Variants in PCBP3 observed in about 807,000 individuals in gnomAD.
PCBP3 encodes the protein poly(rC)-binding protein 3.
PCBP3 carries 25 observed loss-of-function variants against 52.7 expected under a neutral mutation model. The ratio of observed to expected loss-of-function variants is 0.47; its 90% CI spans 0.35 to 0.66. The LOEUF (loss-of-function observed/expected upper bound fraction) is 0.66. Among genes scored for constraint, PCBP3 ranks in the 30% least tolerant of loss-of-function variants. The pLI is 0.01. For missense variants in PCBP3, 391 were observed against 490.3 expected, an observed-to-expected ratio of 0.80 and a Z score of 1.91; for synonymous variants, 162 against 183.0, an observed-to-expected ratio of 0.89 and a Z score of 0.93.
intron 15 of PCBP3, among the ~76,000 whole-genome samples, chr21:45,931,671 G>T (rs979822495): frequency 6.6e-6 from 1 of 152,150 alleles, no homozygotes; most frequent in Non-Finnish European, 1.5e-5. Flanking sequence ...CGGCCATGCC[G>T]TCCTGAGATG....
intron 2 of PCBP3, among the ~76,000 whole-genome samples, chr21:45,685,939 G>A (rs1056972197): frequency 7.6e-6 from 1 of 130,872 alleles, no homozygotes; most frequent in Non-Finnish European, 1.6e-5. Flanking sequence ...TTTTTTTTGA[G>A]ATGGAGTCTT....
At position 45,909,337 on chromosome 21, in the gene PCBP3, C is replaced by G; in HGVS notation, c.340-18C>G. On this transcript the variant is annotated intron_variant, in intron 9 of 17. Transcript: ENST00000681687. ...CACGACGCCTGAAGTGCTGCCAACA[C>G]ACGTGTCTCTCCCCTAGGATATCAT... The G allele has an allele frequency of 6.2e-7, 1 of 1,609,034 alleles. No individual in the cohort carries two copies. Among genetic ancestry groups the G allele is most frequent in the Non-Finnish European group, 8.5e-7 (1 of 1,177,892 alleles).
At chr21:45,832,062 CA>C (rs2093463820) in intron 4 of PCBP3, among the ~76,000 whole-genome samples, 1 of 152,172 alleles carries the variant, frequency 6.6e-6, no homozygotes, top group Non-Finnish European at 1.5e-5. Flanking sequence ...ACTTCATACG[CA>C]GAGCAGCCCC....
At chr21:45,927,317 C>CCTCA (rs1569505024) in intron 13 of PCBP3, among the ~76,000 whole-genome samples, 1 of 21,114 alleles carries the variant, frequency 4.7e-5, no homozygotes, top group Non-Finnish European at 1.0e-4. Context: ...CCCCTTCCTC[C>CCTCA]CTCTCCCCCT....
intron 5 of PCBP3, among the ~76,000 whole-genome samples, chr21:45,881,421 G>A (rs2095402688): frequency 6.6e-6 from 1 of 152,124 alleles, no homozygotes; most frequent in Non-Finnish European, 1.5e-5. Flanking sequence ...TCTCCCAGGA[G>A]TTGAGACCAC....
At chr21:45,654,432 C>T (rs2079883763) in intron 1 of PCBP3, among the ~76,000 whole-genome samples, 1 of 151,450 alleles carries the variant, frequency 6.6e-6, no homozygotes, top group South Asian at 2.1e-4. Context: ...CCTCCACCTC[C>T]CAGGTTCAAG....
rs927084950 is a variant in PCBP3 at position 45,704,221 on chromosome 21, A to C, written c.-199-31171A>C. On this transcript the variant is annotated intron_variant, in intron 2 of 17. Transcript: ENST00000681687. This position sits in a 1 kb window ranked among gnomAD's most constrained non-coding sequence, Gnocchi z 4.1. ...ATATCAGATGCTGGGGATGGCTCCA[A>C]GGAGACTCTGGTGGCAACCCTGAGC... Among the ~76,000 whole-genome samples, 6 of 152,162 alleles carry C rather than the reference A, an allele frequency of 3.9e-5. No homozygotes were observed. The highest frequency in any genetic ancestry group is 3.9e-4 in the Admixed American group (6 of 15,284).
intron 10 of PCBP3, 24 bp from the exon 11 acceptor site, chr21:45,910,878 C>T: frequency 1.3e-6 from 2 of 1,579,190 alleles, no homozygotes; most frequent in Non-Finnish European, 1.7e-6. Flanking sequence ...CCTGGTGCTC[C>T]CTTCCAATGT....
intron 4 of PCBP3, among the ~76,000 whole-genome samples, chr21:45,841,418 A>G (rs1278876080): frequency 1.3e-5 from 2 of 151,100 alleles, no homozygotes. Flanking sequence ...CTGAAAAAAA[A>G]AATCTAGTTG....
rs1257418514 is a variant in PCBP3 at position 45,735,156 on chromosome 21, T to A, written c.-199-236T>A. On this transcript the variant is annotated intron_variant, in intron 2 of 17. Coordinates refer to ENST00000681687, the MANE Select transcript of PCBP3 (RefSeq NM_001384156.1). This position sits in a 1 kb window ranked among gnomAD's most constrained non-coding sequence, Gnocchi z 4.0. ...CAGGGACCCTGGGGTTCTGAGTCTT[T>A]ATCAGTGTCGTGTATGTTCCAGACT... 6.6e-6 allele frequency among the ~76,000 whole-genome samples: 1 copy of A among 152,254 alleles called. No individual in the cohort carries two copies. Among genetic ancestry groups the A allele is most frequent in the Non-Finnish European group, 1.5e-5 (1 of 68,048 alleles).
intron 3 of PCBP3, among the ~76,000 whole-genome samples, chr21:45,745,934 G>A (rs919260355): frequency 1.9e-4 from 29 of 151,744 alleles, no homozygotes; most frequent in African/African-American, 6.5e-4. Flanking sequence ...GTCCATTGAC[G>A]TAGCGCCACA....
chr21:45,909,466 A>C lies in PCBP3; in HGVS notation c.451A>C (p.Lys151Gln). 6.2e-7 allele frequency: 1 copy of C among 1,613,186 alleles called. No homozygotes were observed. Among genetic ancestry groups the C allele is most frequent in the Non-Finnish European group, 8.5e-7 (1 of 1,179,688 alleles). The change falls in exon 10 of 18, where the codon AAG (lysine) becomes CAG (glutamine). Residue 151 changes from lysine to glutamine, a missense_variant. Coordinates refer to ENST00000681687, the MANE Select transcript of PCBP3 (RefSeq NM_001384156.1). ...GTCCCTGATCGGCAAAGGAGGCTCC[A>C]AGATCAAGGAGATCAGGGAGGTAAC... ...CGSLIGKGGSKIKEIRESTGA... is the reference protein window; with the variant it reads ...CGSLIGKGGSQIKEIRESTGA...
chr21:45,840,878 G>A (rs1013833552), intron 4 of PCBP3, among the ~76,000 whole-genome samples: 1 of 152,188 alleles, frequency 6.6e-6, no homozygotes, highest in Non-Finnish European at 1.5e-5. Flanking sequence ...GCTTTCCAAA[G>A]TGCTGGGATT....
intron 5 of PCBP3, among the ~76,000 whole-genome samples, chr21:45,895,243 G>C (rs1408662765): frequency 6.6e-6 from 1 of 152,204 alleles, no homozygotes; most frequent in African/African-American, 2.4e-5. Context: ...TGAGAAAAAA[G>C]CCCTCTGCCC....
chr21:45,918,096 GGGTCC>G, intron 13 of PCBP3: 2 of 218,856 alleles, frequency 9.1e-6, no homozygotes, highest in Non-Finnish European at 9.2e-6. Flanking sequence ...TGAAAACATA[GGGTCC>G]ATCTACACAC....
At position 45,792,654 on chromosome 21, in the gene PCBP3, TTGA is replaced by T. The variant is rs575245243; in HGVS notation, c.-126+37204_-126+37206del. 2.4e-3 allele frequency among the ~76,000 whole-genome samples: 371 copies of T among 152,288 alleles called. 1 individual carries two copies. Among genetic ancestry groups the T allele is most frequent in the African/African-American group, 8.4e-3 (350 of 41,562 alleles). On this transcript the variant is annotated intron_variant, in intron 4 of 17. Coordinates refer to ENST00000681687, the MANE Select transcript of PCBP3 (RefSeq NM_001384156.1). ...GACTGCAGTCAGAGGACCAGATGTC[TTGA>T]TTGATTATTAAGAGAGAGAAACAGG... is the stretch of plus-strand genomic sequence containing the variant.
intron 5 of PCBP3, among the ~76,000 whole-genome samples, chr21:45,856,597 C>A (rs1452526827): frequency 1.3e-5 from 2 of 152,148 alleles, no homozygotes; most frequent in Non-Finnish European, 2.9e-5. Flanking sequence ...ACGCCCCCCC[C>A]ACCCCCGCTC....
intron 4 of PCBP3, among the ~76,000 whole-genome samples, chr21:45,757,159 G>A (rs955291400): frequency 1.8e-4 from 27 of 152,308 alleles, no homozygotes; most frequent in African/African-American, 3.6e-4. Flanking sequence ...ATGTGTGAGC[G>A]TTCCGGTTTC....
chr21:45,772,634 T>C (rs1278181895), intron 4 of PCBP3, among the ~76,000 whole-genome samples: 1 of 152,136 alleles, frequency 6.6e-6, no homozygotes, highest in Non-Finnish European at 1.5e-5. Context: ...TTTTGAAAAA[T>C]CTCTGTACTG....
Sources: allele counts gnomAD v4.1 joint callset (sites outside exome capture counted in the v4.1 genomes callset), GRCh38; gene constraint gnomAD v4.1.1; non-coding constraint Gnocchi (gnomAD v3.1); transcripts MANE v1.5; gene names NCBI Gene and HGNC (gene_info 2026-07-23, HGNC 2026-07-21).